The following ATAD2 variants were observed in gnomAD, a reference collection of about 807,000 sequenced individuals.
ATAD2 encodes the protein ATPase family AAA domain containing 2.
A neutral mutation model predicts 168.9 loss-of-function variants in ATAD2; 62 were observed. The ratio of observed to expected loss-of-function variants is 0.37; its 90% CI spans 0.30 to 0.45. The LOEUF is 0.45. ATAD2 is among the 20% of genes least tolerant of loss of function. The pLI is 1.00. For missense variants in ATAD2, 1,419 were observed against 1,667.8 expected (o/e 0.85, Z 2.60); for synonymous variants, 613 against 571.6 (o/e 1.07, Z -1.03).
At chr8:123,355,582 A>G (rs1456462192) in intron 13 of ATAD2, among the ~76,000 whole-genome samples, 2 of 152,306 alleles carry the variant, frequency 1.3e-5, no homozygotes, top group East Asian at 3.9e-4. Flanking sequence ...ACTAGTAGTA[A>G]TGCCCTAAGT....
intron 1 of ATAD2, among the ~76,000 whole-genome samples, chr8:123,394,204 A>G (rs1334754379): frequency 1.3e-5 from 2 of 152,174 alleles, no homozygotes; most frequent in African/African-American, 4.8e-5. Context: ...ATCTCCTTAC[A>G]TACATGATCA....
chr8:123,347,970 C>G, intron 15 of ATAD2: 2 of 596,338 alleles, frequency 3.4e-6, no homozygotes, highest in East Asian at 3.6e-5. Context: ...CTATTTAATA[C>G]CAAGACTTCA....
At position 123,321,048 on chromosome 8, in the gene ATAD2, G is replaced by T; in HGVS notation, c.*86C>A. ...TTAATCTTTTCCTTAAAGATGCAGG[G>T]TTTCATACTACATCAATTAGGCGGA... On this transcript the variant is annotated 3_prime_UTR_variant, in exon 28 of 28. Transcript: ENST00000287394. 1 of 1,150,342 alleles carries T rather than the reference G, an allele frequency of 8.7e-7. No homozygotes were observed. The highest frequency in any genetic ancestry group is 1.3e-6 in the Non-Finnish European group (1 of 780,670). The allele number at this position is 1,150,342 out of a possible 1,614,324, so 71.3% of individuals were successfully genotyped here. A position where few individuals can be genotyped will look rare whatever the true frequency, so the allele number is the denominator to read the frequency against.
rs58525058 is a variant in ATAD2, at chr8:123,402,838, AT to A, written c.-2281-1664del. ...GCCAATAATAATAATAATAATAATA[AT>A]AATAAAAATCAACACACTACACACA... On this transcript the variant is annotated intron_variant, in intron 1 of 28. Transcript: ENST00000521903. The surrounding 1 kb of genome is among the most constrained non-coding windows in gnomAD (Gnocchi z 4.8). Among the ~76,000 whole-genome samples the A allele has an allele frequency of 3.7e-4, 5 of 13,620 alleles. No homozygotes were observed. Among genetic ancestry groups the A allele is most frequent in the East Asian group, 0.33 (2 of 6 alleles). The allele number at this position is 13,620 out of a possible 152,430, so 8.9% of individuals were successfully genotyped here. A position where few individuals can be genotyped will look rare whatever the true frequency, so the allele number is the denominator to read the frequency against.
At position 123,347,111 on chromosome 8, in the gene ATAD2, T is replaced by A. The variant is rs368693918; in HGVS notation, c.2193A>T (p.Thr731=). ...QRVFPHAEFR[T]NKTLDSDISC... is the part of the protein sequence containing the mutation. ...TTATACCTGAGTCTAATGTTTTATT[T>A]GTTCTGAATTCTGCATGTGGAAATA... Residue 731 remains threonine, a synonymous_variant, in exon 16 of 28, where the codon ACA becomes ACT. Transcript: ENST00000287394. The A allele has an allele frequency of 1.2e-6, 2 of 1,610,166 alleles. No individual in the cohort carries two copies. Among genetic ancestry groups the A allele is most frequent in the African/African-American group, 1.3e-5 (1 of 74,756 alleles).
Position 123,322,938 on chromosome 8 carries a change from C to T in ATAD2, c.4131G>A (p.Gln1377=). ...RKDHDKTSLI[Q]KMEQEVENFS... is the part of the protein sequence containing the mutation. ...AAAAAGTTTCCACTCAAGAGTTTAC[C>T]TGAATAAGTGATGTTTTATCATGGT... is the stretch of plus-strand genomic sequence containing the variant. Residue 1377 remains glutamine (Q), a splice_region_variant and synonymous_variant, in exon 27 of 28, where the codon CAG becomes CAA. Transcript: ENST00000287394. The T allele has an allele frequency of 1.9e-6, 3 of 1,611,216 alleles. No homozygotes were observed. The highest frequency in any genetic ancestry group is 2.5e-6 in the Non-Finnish European group (3 of 1,178,836).
intron 9 of ATAD2, among the ~76,000 whole-genome samples, chr8:123,361,143 C>T (rs1017881114): frequency 3.3e-5 from 5 of 151,712 alleles, no homozygotes; most frequent in African/African-American, 9.7e-5. Flanking sequence ...ATGGCGAAAC[C>T]TCATCTCTAT....
intron 2 of ATAD2, among the ~76,000 whole-genome samples, chr8:123,380,201 G>A (rs1443398928): frequency 6.6e-6 from 1 of 151,980 alleles, no homozygotes; most frequent in Non-Finnish European, 1.5e-5. Flanking sequence ...ACAGGCGCCC[G>A]CCACTACACC....
chr8:123,339,975 C>A (rs1246701729), intron 19 of ATAD2, among the ~76,000 whole-genome samples: 1 of 152,020 alleles, frequency 6.6e-6, no homozygotes, highest in Non-Finnish European at 1.5e-5. Flanking sequence ...TCACTGCAAC[C>A]TCAGACTGGG....
chr8:123,330,398 TCTGTCACCCAGGCTGGAGTG>T lies in ATAD2; in HGVS notation c.3479-1839_3479-1820del, dbSNP rs577645438. Among the ~76,000 whole-genome samples, 70 of 152,218 alleles carry T rather than the reference TCTGTCACCCAGGCTGGAGTG, an allele frequency of 4.6e-4. No individual in the cohort carries two copies. In the South Asian group the frequency reaches 9.5e-3, roughly 21 times the overall value. On this transcript the variant is annotated intron_variant, in intron 24 of 27. Coordinates refer to ENST00000287394, the MANE Select transcript of ATAD2 (RefSeq NM_014109.4). The stretch of plus-strand genomic sequence containing the variant: ...ATTTTTTTTTGAGATGGAGTCTTGC[TCTGTCACCCAGGCTGGAGTG>T]CTGTCACCCAGGCTCGGCTCACTGC...
At chr8:123,382,122 T>A (rs1026766595) in intron 1 of ATAD2, among the ~76,000 whole-genome samples, 1 of 152,150 alleles carries the variant, frequency 6.6e-6, no homozygotes, top group Non-Finnish European at 1.5e-5. Flanking sequence ...TATGCCCTAC[T>A]ACTCTGAAAA....
chr8:123,361,771 C>G (rs932150722), intron 8 of ATAD2, 125 bp from the exon 9 acceptor site: 1 of 639,414 alleles, frequency 1.6e-6, no homozygotes, highest in Non-Finnish European at 2.6e-6. Context: ...ATCTGCTGAC[C>G]CACTGACATA....
chr8:123,328,341 C>A lies in ATAD2; in HGVS notation c.3717G>T (p.Leu1239Phe). 1 of 1,607,424 alleles carries A rather than the reference C, an allele frequency of 6.2e-7. No individual in the cohort carries two copies. Among genetic ancestry groups the A allele is most frequent in the Non-Finnish European group, 8.5e-7 (1 of 1,177,848 alleles). ...QQNASESKLE[L>F]RNNSNTCNIE... ...TATTACAAGTATTTGAATTATTTCT[C>A]AATTCCAGTTTGCTTTCAGAGGCAT... The change falls in exon 25 of 28, where the codon TTG becomes TTT. Residue 1239 changes from leucine to phenylalanine, a missense_variant. Leu to Phe is a conservative substitution (Grantham distance 22). Coordinates refer to ENST00000287394, the MANE Select transcript of ATAD2 (RefSeq NM_014109.4).
intron 27 of ATAD2, 116 bp downstream of exon 27, chr8:123,322,822 A>C: frequency 3.7e-6 from 4 of 1,075,586 alleles, no homozygotes; most frequent in East Asian, 2.7e-5. Flanking sequence ...GATGGTCTTT[A>C]AGTTCCTACA....
chr8:123,398,543 G>T (rs574107467), upstream of ATAD2, among the ~76,000 whole-genome samples: 101 of 152,036 alleles, frequency 6.6e-4, no homozygotes, highest in African/African-American at 2.3e-3. Context: ...ACAGATTATT[G>T]TTCTGTCACC....
At chr8:123,412,189 A>G (rs1205053731) in intron 1 of ATAD2, among the ~76,000 whole-genome samples, 2 of 152,220 alleles carry the variant, frequency 1.3e-5, no homozygotes. Flanking sequence ...TGGGTAACAG[A>G]TATTGCAGAG....
chr8:123,322,688 A>G (rs546309859), intron 27 of ATAD2, among the ~76,000 whole-genome samples: 1 of 152,312 alleles, frequency 6.6e-6, no homozygotes, highest in Non-Finnish European at 1.5e-5. Flanking sequence ...AAATAAATAA[A>G]CAAACAAACT....
chr8:123,389,778 C>T (rs959658787), intron 1 of ATAD2, among the ~76,000 whole-genome samples: 4 of 150,154 alleles, frequency 2.7e-5, no homozygotes, highest in African/African-American at 9.8e-5. Context: ...CCTACTAATA[C>T]CACCTTAACT....
intron 1 of ATAD2, among the ~76,000 whole-genome samples, chr8:123,394,761 A>G (rs1812751665): frequency 1.3e-5 from 2 of 152,244 alleles, no homozygotes; most frequent in South Asian, 4.1e-4. Context: ...CATTTTCTGA[A>G]CACAGGTTAA....
Sources: gnomAD v4.1 joint callset for allele counts (sites outside exome capture counted in the v4.1 genomes callset) on GRCh38, gnomAD v4.1.1 for gene constraint, Gnocchi (gnomAD v3.1) non-coding constraint, MANE v1.5 for transcripts, NCBI Gene and HGNC (gene_info 2026-07-23, HGNC 2026-07-21) for gene names.